Variants in COPG2 observed in about 807,000 individuals in gnomAD.
COPG2 encodes the protein coat protein complex I subunit gamma 2.
Under a neutral mutation model 46.3 loss-of-function variants are expected in COPG2, and 37 were observed. The ratio of observed to expected loss-of-function variants is 0.80; its 90% confidence interval spans 0.61 to 1.05. The LOEUF (loss-of-function observed/expected upper bound fraction) is 1.05. COPG2 is among the 50% of genes least tolerant of loss of function. The pLI is 0.00. For missense variants in COPG2, 427 were observed against 387.8 expected, an observed-to-expected ratio of 1.10 and a Z score of -0.85; for synonymous variants, 159 against 129.7, an observed-to-expected ratio of 1.23 and a Z score of -1.53.
intron 20 of COPG2, among the ~76,000 whole-genome samples, chr7:130,538,622 C>A (rs1799907537): frequency 1.3e-5 from 2 of 151,362 alleles, no homozygotes; most frequent in African/African-American, 4.9e-5. Context: ...TGGGGCATCA[C>A]TGCACATTCA....
intron 20 of COPG2, chr7:130,511,614 A>G (rs1554441022): frequency 1.9e-6 from 1 of 518,820 alleles, no homozygotes; most frequent in Non-Finnish European, 3.9e-6. Flanking sequence ...ACACATCAAC[A>G]GGAAGGTAAG....
intron 9 of COPG2, among the ~76,000 whole-genome samples, chr7:130,608,664 A>T (rs1199377617): frequency 6.6e-6 from 1 of 152,194 alleles, no homozygotes; most frequent in Non-Finnish European, 1.5e-5. Context: ...ATGAGAAGTC[A>T]ACGATTCTTA....
At chr7:130,583,201 C>T (rs1794188563) in intron 9 of COPG2, among the ~76,000 whole-genome samples, 1 of 151,448 alleles carries the variant, frequency 6.6e-6, no homozygotes, top group African/African-American at 2.4e-5. Context: ...TTTGTAGGGA[C>T]ATGGATGAAA....
At chr7:130,608,943 A>G (rs1191580013) in intron 9 of COPG2, among the ~76,000 whole-genome samples, 2 of 151,978 alleles carry the variant, frequency 1.3e-5, no homozygotes, top group African/African-American at 2.4e-5. Flanking sequence ...ATCTCAGGTC[A>G]CTGTAACCTC....
intron 20 of COPG2, among the ~76,000 whole-genome samples, chr7:130,510,350 C>T (rs2116328701): frequency 1.3e-5 from 2 of 152,206 alleles, no homozygotes; most frequent in Middle Eastern, 6.8e-3. Flanking sequence ...GGATTTTCTT[C>T]AGAGAGAAGG....
chr7:130,515,493 C>G (rs916696821), intron 20 of COPG2, among the ~76,000 whole-genome samples: 1 of 152,124 alleles, frequency 6.6e-6, no homozygotes, highest in Non-Finnish European at 1.5e-5. Context: ...GATGACAGTT[C>G]GACATGAGAT....
chr7:130,572,089 G>C (rs1220825014), intron 9 of COPG2, among the ~76,000 whole-genome samples: 6 of 152,016 alleles, frequency 3.9e-5, no homozygotes, highest in East Asian at 1.9e-4. Flanking sequence ...TGGGGACTTG[G>C]GGGGAAGAGA....
At position 130,611,118 on chromosome 7, in the gene COPG2, AC is replaced by A; in HGVS notation, c.580-9del. ...GACTCCCAATGCATGGTACTAAAGA[AC>A]ATGAAAAAGAAGGTAGCACATGGAT... On this transcript the variant is annotated splice_polypyrimidine_tract_variant and intron_variant, in intron 8 of 23. Transcript: ENST00000425248. The A allele has an allele frequency of 1.9e-6, 3 of 1,605,776 alleles. No individual in the cohort carries two copies. Among genetic ancestry groups the A allele is most frequent in the Non-Finnish European group, 2.6e-6 (3 of 1,175,360 alleles).
chr7:130,507,391 T>G lies in COPG2; in HGVS notation c.2387-19A>C, dbSNP rs782063494. On this transcript the variant is annotated intron_variant, in intron 22 of 23. Coordinates refer to ENST00000425248, the MANE Select transcript of COPG2 (RefSeq NM_012133.6). ...ACAGCCTCTGTGTTGAGAAGATGTA[T>G]GAGACAGTATTAGGAAAGTAAAGCA... 3.8e-6 allele frequency: 3 copies of G among 780,498 alleles called. No individual in the cohort carries two copies. In the East Asian group the frequency reaches 7.3e-5, roughly 19 times the overall value. 48.3% of individuals were successfully genotyped at this position (780,498 alleles called of 1,614,324 possible).
chr7:130,518,771 A>G (rs1444966130), intron 20 of COPG2, among the ~76,000 whole-genome samples: 1 of 152,140 alleles, frequency 6.6e-6, no homozygotes, highest in Admixed American at 6.5e-5. Context: ...TGGGAGGCCA[A>G]GGGGGGCAGA....
At chr7:130,513,961 A>C (rs1233831484) in intron 20 of COPG2, among the ~76,000 whole-genome samples, 1 of 152,208 alleles carries the variant, frequency 6.6e-6, no homozygotes, top group Non-Finnish European at 1.5e-5. Flanking sequence ...GAGACTGGAA[A>C]CTGTGTAAAG....
At position 130,613,961 on chromosome 7, in the gene COPG2, G is replaced by C. The variant is rs1028568515; in HGVS notation, c.400-325C>G. On this transcript the variant is annotated intron_variant, in intron 6 of 23. Coordinates refer to ENST00000425248, the MANE Select transcript of COPG2 (RefSeq NM_012133.6). ...CTGAACCCATCAGGAAAGTCATAAA[G>C]AAATTCCTATATGGAGATGGAGCCT... 3.3e-5 allele frequency among the ~76,000 whole-genome samples: 5 copies of C among 152,292 alleles called. No homozygotes were observed. In the East Asian group the frequency reaches 9.6e-4, roughly 29 times the overall value.
intron 4 of COPG2, among the ~76,000 whole-genome samples, chr7:130,655,336 A>G (rs1795828282): frequency 1.3e-5 from 2 of 152,170 alleles, no homozygotes; most frequent in African/African-American, 4.8e-5. Context: ...TACTTAGGTA[A>G]TAATTACTTA....
intron 9 of COPG2, among the ~76,000 whole-genome samples, chr7:130,572,583 T>C (rs1265574226): frequency 1.3e-5 from 2 of 152,054 alleles, no homozygotes; most frequent in East Asian, 1.9e-4. Flanking sequence ...TCCTTAAATA[T>C]TTCAAAATTA....
At chr7:130,582,004 G>A (rs542528669) in intron 9 of COPG2, among the ~76,000 whole-genome samples, 109 of 152,204 alleles carry the variant, frequency 7.2e-4, no homozygotes, top group South Asian at 6.4e-3. Flanking sequence ...CTACTTTAAA[G>A]TTCATATGGA....
chr7:130,513,337 A>ATG (rs1799637816), intron 20 of COPG2, among the ~76,000 whole-genome samples: 1 of 76,610 alleles, frequency 1.3e-5, no homozygotes, highest in Non-Finnish European at 2.9e-5. Flanking sequence ...ATATATATAT[A>ATG]TATATGTGTG....
At chr7:130,565,108 A>G (rs1793781871) in intron 9 of COPG2, among the ~76,000 whole-genome samples, 1 of 152,230 alleles carries the variant, frequency 6.6e-6, no homozygotes, top group East Asian at 1.9e-4. Flanking sequence ...GGTCATGTGC[A>G]TGTGCAGGGC....
intron 9 of COPG2, among the ~76,000 whole-genome samples, chr7:130,592,260 A>G (rs1794445904): frequency 6.6e-6 from 1 of 152,150 alleles, no homozygotes; most frequent in Non-Finnish European, 1.5e-5. Flanking sequence ...GGACACAAAC[A>G]CTGTGGAAGG....
At chr7:130,513,359 G>GTATATA (rs1159332493) in intron 20 of COPG2, among the ~76,000 whole-genome samples, 3 of 36,680 alleles carry the variant, frequency 8.2e-5, no homozygotes, top group African/African-American at 1.9e-4. Flanking sequence ...GTGTGTGTGT[G>GTATATA]TATATATATA....
Sources: gnomAD v4.1 joint callset for allele counts (sites outside exome capture counted in the v4.1 genomes callset) on GRCh38, gnomAD v4.1.1 for gene constraint, MANE v1.5 for transcripts, NCBI Gene and HGNC (gene_info 2026-07-23, HGNC 2026-07-21) for gene names.